Variants in CSMD1 observed in about 807,000 individuals in gnomAD.
The protein encoded by CSMD1 is CUB and Sushi multiple domains 1.
CSMD1 carries 213 observed loss-of-function variants against 417.5 expected under a neutral mutation model. The ratio of observed to expected loss-of-function variants is 0.51; its 90% CI spans 0.46 to 0.57. The LOEUF is 0.57. Among genes scored for constraint, CSMD1 ranks in the 20% least tolerant of loss-of-function variants. CSMD1 has a pLI of 0.00. For missense variants in CSMD1, 6,923 were observed against 4,529.7 expected (o/e 1.53, Z -15.17); for synonymous variants, 2,862 against 1,736.8 (o/e 1.65, Z -16.11).
chr8:4,937,778 G>C (rs1260944230), intron 1 of CSMD1, among the ~76,000 whole-genome samples: 1 of 144,652 alleles, frequency 6.9e-6, no homozygotes, highest in African/African-American at 2.5e-5. Flanking sequence ...TCACACAGTG[G>C]CGCGTGCACA....
intron 6 of CSMD1, among the ~76,000 whole-genome samples, chr8:3,730,030 C>G (rs2623692): frequency 0.97 from 113,101 of 117,024 alleles, 55,105 homozygotes; most frequent in East Asian, 1. Context: ...TTGGTCGAAG[C>G]GCTGCAAGTG....
At chr8:4,494,396 T>A (rs1190693283) in intron 2 of CSMD1, among the ~76,000 whole-genome samples, 1 of 152,210 alleles carries the variant, frequency 6.6e-6, no homozygotes, top group African/African-American at 2.4e-5. Flanking sequence ...GATTTTCTAT[T>A]TTAATATTCA....
chr8:3,912,936 A>G (rs537639808), intron 5 of CSMD1, among the ~76,000 whole-genome samples: 2 of 152,326 alleles, frequency 1.3e-5, no homozygotes, highest in South Asian at 4.1e-4. Flanking sequence ...GTAAGAGAAC[A>G]CAGGGTGTGA....
chr8:3,532,323 G>T (rs1408460557), intron 10 of CSMD1, among the ~76,000 whole-genome samples: 1 of 152,056 alleles, frequency 6.6e-6, no homozygotes, highest in Non-Finnish European at 1.5e-5. Context: ...CATCAGCCAG[G>T]GTTTTAAGAA....
At chr8:3,764,597 G>T (rs534029060) in intron 5 of CSMD1, among the ~76,000 whole-genome samples, 1 of 152,070 alleles carries the variant, frequency 6.6e-6, no homozygotes, top group South Asian at 2.1e-4. Flanking sequence ...CTCTTGGATG[G>T]CAGTTTCCTT....
In CSMD1 at chr8:2,986,740, G is replaced by A. The variant is rs544365891; in HGVS notation, c.8378-7940C>T. On this transcript the variant is annotated intron_variant, in intron 54 of 69. Coordinates refer to ENST00000635120, the MANE Select transcript of CSMD1 (RefSeq NM_033225.6). Reference sequence around the variant, plus strand: ...AGGATGGTTTTGATCTCCTGACCTCGTGATTCGCCTGCCTCAGCCTCCCAA... The same window carrying A: ...AGGATGGTTTTGATCTCCTGACCTCATGATTCGCCTGCCTCAGCCTCCCAA... Among the ~76,000 whole-genome samples, 1,097 of 152,130 alleles carry A rather than the reference G, an allele frequency of 7.2e-3. 9 individuals carry two copies. The highest frequency in any genetic ancestry group is 0.01 in the Non-Finnish European group (708 of 67,982).
chr8:3,490,528 C>T (rs138453281), intron 11 of CSMD1, among the ~76,000 whole-genome samples: 14 of 152,192 alleles, frequency 9.2e-5, no homozygotes, highest in East Asian at 5.8e-4. Flanking sequence ...AATAATAATA[C>T]GTGTGGGTTA....
chr8:3,690,522 T>A (rs1028635748), intron 7 of CSMD1, among the ~76,000 whole-genome samples: 3 of 152,226 alleles, frequency 2.0e-5, no homozygotes. Context: ...GCCTCCCAAA[T>A]AGACTGTTAG....
chr8:3,404,840 T>A (rs1009018536), intron 15 of CSMD1, among the ~76,000 whole-genome samples: 1 of 152,204 alleles, frequency 6.6e-6, no homozygotes, highest in African/African-American at 2.4e-5. Flanking sequence ...GATCTTTGTA[T>A]TGATACCTGT....
Position 3,556,392 on chromosome 8 carries a change from A to AATATATATATATATATATAT in CSMD1, c.1344+18533_1344+18552dup, listed in dbSNP as rs367650533. On this transcript the variant is annotated intron_variant, in intron 10 of 69. Transcript: ENST00000635120. ...AAGATTTTTAAAATTTATAATAATT[A>AATATATATATATATATATAT]ATATATATATATATATATATATTCA... 4.7e-3 allele frequency among the ~76,000 whole-genome samples: 569 copies of AATATATATATATATATATAT among 120,344 alleles called. 2 individuals carry two copies. The highest frequency in any genetic ancestry group is 9.1e-3 in the Middle Eastern group (2 of 220). The allele number at this position is 120,344 out of a possible 152,430, so 79.0% of individuals were successfully genotyped here.
At chr8:4,788,456 T>A in intron 1 of CSMD1, 2 of 1,326,782 alleles carry the variant, frequency 1.5e-6, no homozygotes, top group Non-Finnish European at 2.2e-6. Context: ...TCCAGAAGGA[T>A]CAGCTCAATT....
intron 5 of CSMD1, among the ~76,000 whole-genome samples, chr8:3,787,104 TAAC>T (rs1194347840): frequency 6.6e-6 from 1 of 152,054 alleles, no homozygotes; most frequent in East Asian, 1.9e-4. Context: ...AGCTTTATGG[TAAC>T]AACATAACTC....
In CSMD1 at chr8:4,218,703, G is replaced by A. The variant is rs143461470; in HGVS notation, c.416-186604C>T. On this transcript the variant is annotated intron_variant, in intron 3 of 69. Transcript: ENST00000635120. ...CTTGGATACATCTCTTCAAATAGAG[G>A]CAACCATTACAGTGATGGTGACTGG... 2.0e-3 allele frequency among the ~76,000 whole-genome samples: 304 copies of A among 152,288 alleles called. 1 individual carries two copies. Among genetic ancestry groups the A allele is most frequent in the Non-Finnish European group, 3.6e-3 (244 of 68,032 alleles).
At chr8:3,368,163 T>C (rs1196745187) in intron 19 of CSMD1, among the ~76,000 whole-genome samples, 3 of 152,202 alleles carry the variant, frequency 2.0e-5, no homozygotes, top group African/African-American at 7.2e-5. Context: ...ATCTGTGTCT[T>C]CTTTATGCTT....
intron 3 of CSMD1, among the ~76,000 whole-genome samples, chr8:4,096,704 C>G (rs1167581564): frequency 6.6e-6 from 1 of 152,204 alleles, no homozygotes; most frequent in Non-Finnish European, 1.5e-5. Context: ...GCGTCACTCA[C>G]TAATCCATAG....
At chr8:4,171,586 C>G (rs185117019) in intron 3 of CSMD1, among the ~76,000 whole-genome samples, 23 of 151,742 alleles carry the variant, frequency 1.5e-4, no homozygotes, top group Admixed American at 1.1e-3. Flanking sequence ...CCAAATACTA[C>G]ACAATTCCTT....
intron 1 of CSMD1, among the ~76,000 whole-genome samples, chr8:4,696,105 C>G (rs945581627): frequency 6.6e-6 from 1 of 152,154 alleles, no homozygotes; most frequent in Non-Finnish European, 1.5e-5. Flanking sequence ...CAGCCTTCAA[C>G]AAGGATAATG....
chr8:4,855,436 G>C (rs561141257), intron 1 of CSMD1, among the ~76,000 whole-genome samples: 1 of 152,182 alleles, frequency 6.6e-6, no homozygotes, highest in East Asian at 1.9e-4. Flanking sequence ...CGAGCTGAGA[G>C]AAGAAGGCTT....
intron 1 of CSMD1, among the ~76,000 whole-genome samples, chr8:4,822,983 G>A (rs1043047925): frequency 1.3e-5 from 2 of 152,070 alleles, no homozygotes; most frequent in South Asian, 2.1e-4. Flanking sequence ...AACCATTTGG[G>A]AAATCCAGTA....
Sources: gnomAD v4.1 joint callset for allele counts (sites outside exome capture counted in the v4.1 genomes callset) on GRCh38, gnomAD v4.1.1 for gene constraint, MANE v1.5 for transcripts, NCBI Gene and HGNC (gene_info 2026-07-23, HGNC 2026-07-21) for gene names.